ADAMTSL1: variants seen among roughly 807,000 people sequenced by gnomAD.
The protein encoded by ADAMTSL1 is ADAMTS like 1, also known as ADAMTS-like protein 1.
ADAMTSL1 carries 126 observed loss-of-function variants against 201.8 expected under a neutral mutation model. The observed-to-expected ratio is 0.62, with a 90% CI of 0.54 to 0.72. The LOEUF (loss-of-function observed/expected upper bound fraction) is 0.72. Ranked by LOEUF, ADAMTSL1 falls within the 30% of genes least tolerant of loss-of-function variation. The pLI is 0.00. For missense variants in ADAMTSL1, 2,679 were observed against 2,277.8 expected (o/e 1.18, Z -3.59); for synonymous variants, 1,121 against 903.4 (o/e 1.24, Z -4.32).
chr9:18,676,279 A>C (rs924212521), intron 10 of ADAMTSL1, among the ~76,000 whole-genome samples: 1 of 152,108 alleles, frequency 6.6e-6, no homozygotes, highest in Non-Finnish European at 1.5e-5. Flanking sequence ...TAAACAAACA[A>C]ACACTGCCTA....
chr9:18,700,623 A>G (rs184811975), intron 13 of ADAMTSL1, among the ~76,000 whole-genome samples: 154 of 152,304 alleles, frequency 1.0e-3, no homozygotes, highest in African/African-American at 3.5e-3. Context: ...AAAAATATAT[A>G]TAAGAATGAA....
chr9:18,900,646 C>T (rs1281307184), intron 26 of ADAMTSL1, among the ~76,000 whole-genome samples: 2 of 152,040 alleles, frequency 1.3e-5, no homozygotes, highest in Non-Finnish European at 1.5e-5. Flanking sequence ...GAGCTGAAAG[C>T]GTTATCCTCA....
Position 18,626,596 on chromosome 9 carries a change from T to G in ADAMTSL1, c.601+4227T>G, listed in dbSNP as rs184560275. Among the ~76,000 whole-genome samples the G allele has an allele frequency of 1.3e-4, 20 of 151,998 alleles. No individual in the cohort carries two copies. In the East Asian group the frequency reaches 3.1e-3, roughly 24 times the overall value. Reference sequence around the variant, plus strand: ...GAAGAATGGCACAGATATTGTGGGGTTTTTTGTAAGTCTGAATGAAATGGG... The same window carrying G: ...GAAGAATGGCACAGATATTGTGGGGGTTTTTGTAAGTCTGAATGAAATGGG... On this transcript the variant is annotated intron_variant, in intron 5 of 28. Transcript: ENST00000380548.
intron 2 of ADAMTSL1, among the ~76,000 whole-genome samples, chr9:18,319,173 C>T (rs4961634): frequency 0.32 from 47,871 of 151,876 alleles, 8,520 homozygotes; most frequent in Admixed American, 0.5. Flanking sequence ...AAGGTGCCAG[C>T]CTGGGCAATA....
At chr9:18,764,623 G>A (rs1820257783) in intron 16 of ADAMTSL1, among the ~76,000 whole-genome samples, 1 of 152,202 alleles carries the variant, frequency 6.6e-6, no homozygotes, top group South Asian at 2.1e-4. Context: ...ATCAAAGGCA[G>A]AGCAGAGAAG....
intron 7 of ADAMTSL1, 121 bp from the exon 8 acceptor site, chr9:18,657,518 A>G: frequency 1.5e-6 from 1 of 663,890 alleles, no homozygotes; most frequent in African/African-American, 1.8e-5. Flanking sequence ...CTTCTCCCGC[A>G]GTGCAGTCCC....
At chr9:18,652,142 T>C (rs2132926871) in intron 7 of ADAMTSL1, among the ~76,000 whole-genome samples, 1 of 151,800 alleles carries the variant, frequency 6.6e-6, no homozygotes, top group African/African-American at 2.4e-5. Context: ...GCCTTTGTGG[T>C]GGGTGGATCA....
chr9:18,608,934 A>G (rs1215280314), intron 4 of ADAMTSL1, among the ~76,000 whole-genome samples: 1 of 152,212 alleles, frequency 6.6e-6, no homozygotes, highest in African/African-American at 2.4e-5. Context: ...CCATTAAAAT[A>G]AATAAATTTT....
chr9:18,661,464 G>GC (rs1210356112), intron 8 of ADAMTSL1, among the ~76,000 whole-genome samples: 4 of 152,106 alleles, frequency 2.6e-5, no homozygotes, highest in African/African-American at 4.8e-5. Flanking sequence ...TCCTGTGCTG[G>GC]CCCCCCATGT....
chr9:18,400,066 G>A (rs1219904490), intron 2 of ADAMTSL1, among the ~76,000 whole-genome samples: 2 of 121,012 alleles, frequency 1.7e-5, no homozygotes, highest in Non-Finnish European at 3.7e-5. Flanking sequence ...TTAGCTACTG[G>A]CGCTCAAGAT....
At chr9:18,697,079 T>C (rs2133279509) in intron 13 of ADAMTSL1, among the ~76,000 whole-genome samples, 1 of 151,742 alleles carries the variant, frequency 6.6e-6, no homozygotes, top group East Asian at 1.9e-4. Context: ...AGACGAGGTT[T>C]CACCATGTTG....
chr9:18,134,613 A>T (rs1347112193), intron 1 of ADAMTSL1, among the ~76,000 whole-genome samples: 1 of 152,186 alleles, frequency 6.6e-6, no homozygotes. Flanking sequence ...CACATTTGAC[A>T]CTGAAGAAGT....
At chr9:18,134,114 C>T (rs1250957735) in intron 1 of ADAMTSL1, among the ~76,000 whole-genome samples, 1 of 152,178 alleles carries the variant, frequency 6.6e-6, no homozygotes, top group Non-Finnish European at 1.5e-5. Flanking sequence ...CATATCTGTG[C>T]ATGCCTAGTT....
chr9:18,604,806 T>A (rs904835842), intron 4 of ADAMTSL1, among the ~76,000 whole-genome samples: 1 of 152,128 alleles, frequency 6.6e-6, no homozygotes, highest in African/African-American at 2.4e-5. Flanking sequence ...ACGTGGTAAT[T>A]GCATGTTTAA....
chr9:18,891,777 C>T (rs1829290344), intron 25 of ADAMTSL1, among the ~76,000 whole-genome samples: 4 of 152,224 alleles, frequency 2.6e-5, no homozygotes, highest in Admixed American at 2.6e-4. Flanking sequence ...GATTACTTTC[C>T]AGGTCAGGAG....
At chr9:18,879,767 A>G (rs1828410727) in intron 23 of ADAMTSL1, among the ~76,000 whole-genome samples, 1 of 152,230 alleles carries the variant, frequency 6.6e-6, no homozygotes, top group African/African-American at 2.4e-5. Context: ...CAGTTTTTAA[A>G]AGACAACAAC....
At chr9:18,309,028 C>G (rs1043409362) in intron 2 of ADAMTSL1, among the ~76,000 whole-genome samples, 1 of 151,990 alleles carries the variant, frequency 6.6e-6, no homozygotes, top group Admixed American at 6.6e-5. Flanking sequence ...AGGCTTGTTC[C>G]ACATATGCAA....
intron 1 of ADAMTSL1, among the ~76,000 whole-genome samples, chr9:18,145,299 C>T (rs762958863): frequency 1.8e-4 from 28 of 152,220 alleles, no homozygotes; most frequent in Admixed American, 9.2e-4. Context: ...CATTTGTTTT[C>T]GGTTCTTTGA....
chr9:18,491,484 T>C (rs1822270030), intron 1 of ADAMTSL1, among the ~76,000 whole-genome samples: 1 of 152,222 alleles, frequency 6.6e-6, no homozygotes, highest in Admixed American at 6.5e-5. Flanking sequence ...TTAAGCTTTA[T>C]AAACTCTCAA....
Sources: allele counts gnomAD v4.1 joint callset (sites outside exome capture counted in the v4.1 genomes callset), GRCh38; gene constraint gnomAD v4.1.1; transcripts MANE v1.5; gene names NCBI Gene and HGNC (gene_info 2026-07-23, HGNC 2026-07-21).